ANK3: variants seen among roughly 807,000 people sequenced by gnomAD.
ANK3 encodes ankyrin-3.
Under a neutral mutation model 370.9 loss-of-function variants are expected in ANK3, and 57 were observed. That is an observed-to-expected ratio of 0.15 (90% confidence interval 0.12 to 0.19). The LOEUF is 0.19. Among genes scored for constraint, ANK3 ranks in the 10% least tolerant of loss-of-function variants. The probability of loss-of-function intolerance (pLI) is 1.00; values close to 1 mark genes in which losing one functional copy is unlikely to be tolerated. For synonymous variants in ANK3, 1,929 were observed against 1,946.3 expected (o/e 0.99, Z 0.23); for missense variants, 4,439 against 5,302.1 (o/e 0.84, Z 5.06).
Position 60,042,919 on chromosome 10 carries a change from A to G in ANK3, c.13066-160T>C, listed in dbSNP as rs1056054676. On this transcript the variant is annotated intron_variant, in intron 42 of 43. Coordinates refer to ENST00000280772, the MANE Select transcript of ANK3 (RefSeq NM_020987.5). ...TACGTACAATCTTTAGCTTAACCAC[A>G]CAGTTTAGCATCATCAAGCAAGCTA... 7.6e-6 allele frequency: 11 copies of G among 1,450,410 alleles called. No individual in the cohort carries two copies. The South Asian group carries it at 1.0e-4, about 14-fold the overall frequency. 89.8% of individuals were successfully genotyped at this position (1,450,410 alleles called of 1,614,324 possible). A position where few individuals can be genotyped will look rare whatever the true frequency, so the allele number is the denominator to read the frequency against.
intron 4 of ANK3, among the ~76,000 whole-genome samples, chr10:60,274,283 T>C (rs780918094): frequency 1.3e-5 from 2 of 152,198 alleles, no homozygotes; most frequent in African/African-American, 4.8e-5. Context: ...TCTTATGCTA[T>C]TTCTGCTATC....
chr10:60,137,802 G>T (rs527698427), intron 24 of ANK3, among the ~76,000 whole-genome samples: 3 of 152,218 alleles, frequency 2.0e-5, no homozygotes, highest in African/African-American at 7.2e-5. Flanking sequence ...CAGAAGGCAA[G>T]CTAGTTATTG....
intron 2 of ANK3, among the ~76,000 whole-genome samples, chr10:60,610,331 G>A (rs2078183818): frequency 6.6e-6 from 1 of 152,018 alleles, no homozygotes; most frequent in Admixed American, 6.6e-5. Flanking sequence ...GGCCAACATG[G>A]TGAAACCCTG....
At chr10:60,602,142 A>G (rs1219840821) in intron 2 of ANK3, among the ~76,000 whole-genome samples, 1 of 152,112 alleles carries the variant, frequency 6.6e-6, no homozygotes, top group African/African-American at 2.4e-5. Flanking sequence ...GGATTAACTC[A>G]TTTATTTCTC....
chr10:60,314,032 C>CA (rs1397177305), intron 1 of ANK3, among the ~76,000 whole-genome samples: 1 of 151,166 alleles, frequency 6.6e-6, no homozygotes, highest in Non-Finnish European at 1.5e-5. Flanking sequence ...TCTTCTAAGA[C>CA]AAAAAGTTAC....
chr10:60,257,575 C>T (rs761917035), intron 7 of ANK3, among the ~76,000 whole-genome samples: 1 of 152,184 alleles, frequency 6.6e-6, no homozygotes, highest in African/African-American at 2.4e-5. Flanking sequence ...AAAATTGTCT[C>T]TATAGGTAAC....
chr10:60,106,007 C>A lies in ANK3; in HGVS notation c.3226G>T (p.Glu1076Ter). The A allele has an allele frequency of 6.2e-7, 1 of 1,612,696 alleles. No individual in the cohort carries two copies. Among genetic ancestry groups the A allele is most frequent in the Non-Finnish European group, 8.5e-7 (1 of 1,179,368 alleles). The change falls in exon 28 of 44, where the codon GAA becomes TAA. Residue 1076 changes from glutamate to a stop codon, truncating the protein, a stop_gained. Transcript: ENST00000280772. LOFTEE classifies it high-confidence loss of function. ...HFGSMRGKER[E>*]LIVLRSENGE... ...TTTTCACTTCGAAGAACAATGAGTT[C>A]TCTCTCTTTTCCTCTCATGGACCCA...
chr10:60,336,137 G>A (rs1170991765), intron 1 of ANK3, among the ~76,000 whole-genome samples: 1 of 151,982 alleles, frequency 6.6e-6, no homozygotes, highest in East Asian at 1.9e-4. Flanking sequence ...TCACATTGGG[G>A]CAGGTTGGGG....
intron 1 of ANK3, among the ~76,000 whole-genome samples, chr10:60,700,888 T>C (rs764761570): frequency 2.6e-5 from 4 of 152,004 alleles, no homozygotes; most frequent in South Asian, 2.1e-4. Flanking sequence ...AGAAAACTTT[T>C]CTAATTAAGA....
intron 7 of ANK3, among the ~76,000 whole-genome samples, chr10:60,259,098 G>T (rs61159838): frequency 6.6e-6 from 1 of 152,280 alleles, no homozygotes; most frequent in African/African-American, 2.4e-5. Flanking sequence ...GACCTAGAAA[G>T]ACTCCTTGGA....
intron 2 of ANK3, among the ~76,000 whole-genome samples, chr10:60,418,733 G>A (rs577904508): frequency 6.7e-6 from 1 of 149,920 alleles, no homozygotes; most frequent in South Asian, 2.1e-4. Context: ...AAAAAGCCTT[G>A]TTTATCTGAA....
chr10:60,190,904 A>G (rs528096129), intron 16 of ANK3, among the ~76,000 whole-genome samples: 89 of 152,336 alleles, frequency 5.8e-4, no homozygotes, highest in Non-Finnish European at 1.2e-3. Flanking sequence ...TCAGTGGAAC[A>G]GAACAGAAAA....
chr10:60,711,142 C>T (rs2079699457), intron 1 of ANK3, among the ~76,000 whole-genome samples: 1 of 151,770 alleles, frequency 6.6e-6, no homozygotes, highest in Non-Finnish European at 1.5e-5. Flanking sequence ...GAAAAGTGAA[C>T]AACACAAAAA....
chr10:60,143,965 G>A (rs551437269), intron 23 of ANK3, among the ~76,000 whole-genome samples: 35 of 152,230 alleles, frequency 2.3e-4, no homozygotes, highest in African/African-American at 8.2e-4. Context: ...CAAAAAGAGA[G>A]TCAAAGAGAG....
At chr10:60,317,187 C>T (rs2047631510) in intron 1 of ANK3, among the ~76,000 whole-genome samples, 1 of 152,178 alleles carries the variant, frequency 6.6e-6, no homozygotes, top group Non-Finnish European at 1.5e-5. Context: ...GATGCCCAGG[C>T]TGGAGTACAG....
chr10:60,088,400 ATC>A lies in ANK3; in HGVS notation c.3329-44_3329-43del. ...AAGAAAATGCCATGAGAATAAGCAT[ATC>A]TACAACATACCTTAAGTCAAAATGA... is the stretch of plus-strand genomic sequence containing the variant. On this transcript the variant is annotated intron_variant, in intron 28 of 43. Coordinates refer to ENST00000280772, the MANE Select transcript of ANK3 (RefSeq NM_020987.5). The A allele has an allele frequency of 3.3e-6, 5 of 1,509,128 alleles. No individual in the cohort carries two copies. In the South Asian group the frequency reaches 5.7e-5, roughly 17 times the overall value. The allele number at this position is 1,509,128 out of a possible 1,614,324, so 93.5% of individuals were successfully genotyped here.
In ANK3 at chr10:60,042,723, T is replaced by A. The variant is rs1299632040; in HGVS notation, c.13102A>T (p.Ile4368Phe). The change falls in exon 43 of 44, where the codon ATC becomes TTC. Residue 4368 changes from isoleucine to phenylalanine, a missense_variant. Physicochemically the swap from Ile to Phe is conservative, Grantham distance 21 (BLOSUM62 0). This residue lies in a region of ANK3 where 242 missense variants were observed against 228.0 expected (regional missense o/e 1.06). Coordinates refer to ENST00000280772, the MANE Select transcript of ANK3 (RefSeq NM_020987.5). ...TGGCTCTTCTTTTCCACATGCCGGA[T>A]TTCTTTCTTCGTTTTCACCTTAAAA... ...EGFKVKTKKE[I>F]RHVEKKSHS 4 of 1,614,148 alleles carry A rather than the reference T, an allele frequency of 2.5e-6. No individual in the cohort carries two copies. Among genetic ancestry groups the A allele is most frequent in the Non-Finnish European group, 3.4e-6 (4 of 1,179,998 alleles).
intron 38 of ANK3, among the ~76,000 whole-genome samples, chr10:60,065,674 C>G (rs1209941245): frequency 6.6e-6 from 1 of 152,138 alleles, no homozygotes; most frequent in East Asian, 1.9e-4. Context: ...TCATGGCCTA[C>G]AGTTAGAAAT....
intron 2 of ANK3, among the ~76,000 whole-genome samples, chr10:60,444,180 G>A (rs2064374901): frequency 6.6e-6 from 1 of 150,990 alleles, no homozygotes; most frequent in African/African-American, 2.4e-5. Flanking sequence ...TCCATTTATT[G>A]TGTATCACTA....
Sources: allele counts gnomAD v4.1 joint callset (sites outside exome capture counted in the v4.1 genomes callset), GRCh38; gene constraint gnomAD v4.1.1; regional missense constraint gnomAD v4.1.1; transcripts MANE v1.5; gene names NCBI Gene and HGNC (gene_info 2026-07-23, HGNC 2026-07-21).